AKT3: variants seen among roughly 807,000 people sequenced by gnomAD.
AKT3 encodes RAC-gamma serine/threonine-protein kinase.
AKT3 carries 15 observed loss-of-function variants against 65.3 expected under a neutral mutation model. The ratio of observed to expected loss-of-function variants is 0.23; its 90% CI spans 0.15 to 0.35. The LOEUF is 0.35. Ranked by LOEUF, AKT3 falls within the 10% of genes least tolerant of loss-of-function variation. The pLI is 1.00. For synonymous variants in AKT3, 206 were observed against 183.8 expected (o/e 1.12, Z -0.98); for missense variants, 243 against 576.5 (o/e 0.42, Z 5.92).
chr1:243,589,750 G>A (rs889444895), intron 8 of AKT3, among the ~76,000 whole-genome samples: 1 of 152,128 alleles, frequency 6.6e-6, no homozygotes, highest in Non-Finnish European at 1.5e-5. Flanking sequence ...CACATACACT[G>A]TAGCATTATT....
At chr1:243,682,330 A>G (rs1005163866) in intron 3 of AKT3, among the ~76,000 whole-genome samples, 1 of 152,162 alleles carries the variant, frequency 6.6e-6, no homozygotes, top group African/African-American at 2.4e-5. Context: ...AAATAAATAT[A>G]TAAAGAGATA....
At chr1:243,710,437 C>G (rs1171042688) in intron 2 of AKT3, among the ~76,000 whole-genome samples, 1 of 152,174 alleles carries the variant, frequency 6.6e-6, no homozygotes, top group Non-Finnish European at 1.5e-5. Flanking sequence ...GCTACTAGCA[C>G]TCCATTCAAA....
In AKT3 at chr1:243,488,772, GT is replaced by G. The variant is rs1374219184; in HGVS notation, c.*7-323del. On this transcript the variant is annotated intron_variant, in intron 13 of 13. Coordinates refer to the AKT3 transcript ENST00000336199. Reference sequence around the variant, plus strand: ...CCTTCTACTTACCCCACTTATCTGCGTGTTTTCTAATTGATAGTGTACTGAG... The same window carrying G: ...CCTTCTACTTACCCCACTTATCTGCGGTTTTCTAATTGATAGTGTACTGAG... Among the ~76,000 whole-genome samples, 12 of 152,162 alleles carry G rather than the reference GT, an allele frequency of 7.9e-5. No individual in the cohort carries two copies. The East Asian group carries it at 2.3e-3, about 29-fold the overall frequency.
chr1:243,849,718 CACAG>C (rs1695678875), intron 1 of AKT3, among the ~76,000 whole-genome samples: 1 of 151,470 alleles, frequency 6.6e-6, no homozygotes, highest in African/African-American at 2.4e-5. Context: ...GCAGCCCAGA[CACAG>C]ACGGTACCGC....
chr1:243,829,091 A>C (rs1694346164), intron 2 of AKT3, among the ~76,000 whole-genome samples: 1 of 152,184 alleles, frequency 6.6e-6, no homozygotes, highest in Non-Finnish European at 1.5e-5. Context: ...TAATCTCTTC[A>C]ATCCGAATCT....
intron 2 of AKT3, among the ~76,000 whole-genome samples, chr1:243,787,765 T>G (rs1340055938): frequency 2.0e-5 from 3 of 152,202 alleles, no homozygotes; most frequent in Admixed American, 6.5e-5. Flanking sequence ...AATTTCATCT[T>G]CTGGAAGAAG....
intron 11 of AKT3, among the ~76,000 whole-genome samples, chr1:243,548,951 C>T (rs112668057): frequency 0.022 from 3,337 of 152,226 alleles, 62 homozygotes; most frequent in Non-Finnish European, 0.033. Flanking sequence ...ATAATGCTAT[C>T]ATTACTTATG....
rs187345718 is a variant in AKT3 at position 243,768,021 on chromosome 1, A to G, written c.47-72305T>C. 2.9e-3 allele frequency among the ~76,000 whole-genome samples: 448 copies of G among 152,024 alleles called. 3 individuals are homozygous for G. The highest frequency in any genetic ancestry group is 0.01 in the African/African-American group (419 of 41,510). ...AGGGGGAAAAAAATAAAGCATAAAC[A>G]AACTCTAGAATTTAGTTCTGGCTTC... On this transcript the variant is annotated intron_variant, in intron 2 of 13. Transcript: ENST00000673466.
intron 8 of AKT3, among the ~76,000 whole-genome samples, chr1:243,596,754 A>G (rs1676644712): frequency 6.6e-6 from 1 of 152,232 alleles, no homozygotes; most frequent in African/African-American, 2.4e-5. Flanking sequence ...CAGGCCTATC[A>G]GCTTTATTCA....
chr1:243,724,811 A>C (rs1234511693), intron 2 of AKT3, among the ~76,000 whole-genome samples: 1 of 152,206 alleles, frequency 6.6e-6, no homozygotes, highest in African/African-American at 2.4e-5. Context: ...TCTCTGGCCA[A>C]CAAAATACTT....
intron 2 of AKT3, among the ~76,000 whole-genome samples, chr1:243,718,766 C>G (rs1686684221): frequency 6.6e-6 from 1 of 152,140 alleles, no homozygotes; most frequent in Admixed American, 6.5e-5. Context: ...AGCCACCGCA[C>G]CCAGCCTCAG....
At chr1:243,642,581 T>C (rs1048925185) in intron 5 of AKT3, among the ~76,000 whole-genome samples, 7 of 152,156 alleles carry the variant, frequency 4.6e-5, no homozygotes, top group South Asian at 2.1e-4. Flanking sequence ...AGTGCTGGGA[T>C]TACAGGCGTG....
chr1:243,795,567 G>A (rs1360392739), intron 2 of AKT3, among the ~76,000 whole-genome samples: 2 of 145,746 alleles, frequency 1.4e-5, no homozygotes, highest in Non-Finnish European at 3.0e-5. Flanking sequence ...CGCCTCCCGG[G>A]TTCACGCCAT....
At chr1:243,743,067 A>G (rs1688260157) in intron 2 of AKT3, among the ~76,000 whole-genome samples, 1 of 152,222 alleles carries the variant, frequency 6.6e-6, no homozygotes. Flanking sequence ...CTGGCCAGAA[A>G]TTAGTCACAT....
At chr1:243,644,789 A>T (rs959126382) in intron 5 of AKT3, among the ~76,000 whole-genome samples, 3 of 152,204 alleles carry the variant, frequency 2.0e-5, no homozygotes, top group African/African-American at 7.2e-5. Flanking sequence ...AATAATTTAC[A>T]CATGTACAAA....
At chr1:243,595,953 T>G (rs1285057980) in intron 8 of AKT3, among the ~76,000 whole-genome samples, 1 of 152,210 alleles carries the variant, frequency 6.6e-6, no homozygotes, top group Non-Finnish European at 1.5e-5. Context: ...TAACTGCATG[T>G]GCTATGTTTC....
chr1:243,512,482 T>C, intron 12 of AKT3, 56 bp from the exon 13 acceptor site: 3 of 1,132,272 alleles, frequency 2.6e-6, no homozygotes, highest in Non-Finnish European at 3.8e-6. Context: ...GGAAAATTCC[T>C]TTCTAGGAAA....
At chr1:243,817,271 A>AAGAT (rs1033080337) in intron 2 of AKT3, among the ~76,000 whole-genome samples, 3 of 152,210 alleles carry the variant, frequency 2.0e-5, no homozygotes, top group Non-Finnish European at 4.4e-5. Context: ...TCATGAAAAA[A>AAGAT]AGATAAATTG....
intron 2 of AKT3, among the ~76,000 whole-genome samples, chr1:243,773,474 T>C (rs1051757587): frequency 3.9e-5 from 6 of 152,054 alleles, no homozygotes; most frequent in African/African-American, 1.2e-4. Flanking sequence ...TTATCTCTTA[T>C]AAAACTTGAA....
Sources: allele counts gnomAD v4.1 joint callset (sites outside exome capture counted in the v4.1 genomes callset), GRCh38; gene constraint gnomAD v4.1.1; transcripts MANE v1.5; gene names NCBI Gene and HGNC (gene_info 2026-07-23, HGNC 2026-07-21).